The following BTNL9 variants were observed in gnomAD, a reference collection of about 807,000 sequenced individuals.
The protein encoded by BTNL9 is butyrophilin like 9.
A neutral mutation model predicts 45.8 loss-of-function variants in BTNL9; 45 were observed. The observed-to-expected ratio is 0.98, with a 90% CI of 0.77 to 1.26. The LOEUF (loss-of-function observed/expected upper bound fraction) is 1.26. Among genes scored for constraint, BTNL9 ranks in the 50% most tolerant of loss-of-function variants. The probability of loss-of-function intolerance (pLI) is 0.00; values close to 1 mark genes in which losing one functional copy is unlikely to be tolerated. For missense variants in BTNL9, 784 were observed against 729.7 expected, an observed-to-expected ratio of 1.07 and a Z score of -0.86; for synonymous variants, 346 against 330.8, an observed-to-expected ratio of 1.05 and a Z score of -0.50.
At chr5:181,048,846 T>A (rs1761368629) in intron 3 of BTNL9, among the ~76,000 whole-genome samples, 1 of 136,326 alleles carries the variant, frequency 7.3e-6, no homozygotes, top group African/African-American at 2.8e-5. Context: ...TTATATTAGT[T>A]ATATAATATT....
Position 181,050,277 on chromosome 5 carries a change from T to C in BTNL9, c.644T>C (p.Val215Ala), listed in dbSNP as rs1320184175. The C allele has an allele frequency of 1.2e-6, 2 of 1,614,008 alleles. No individual in the cohort carries two copies. Among genetic ancestry groups the C allele is most frequent in the African/African-American group, 1.3e-5 (1 of 74,928 alleles). ...GACCTGTTCAGTCTGGAAACATCTG[T>C]GGTTGTCCGAGCGGGAGCCCTCAGC... is the stretch of plus-strand genomic sequence containing the variant. Reference protein sequence around the residue: ...AQDLFSLETSVVVRAGALSNV... With the variant: ...AQDLFSLETSAVVRAGALSNV... The change falls in exon 4 of 11, where the codon GTG becomes GCG. Residue 215 changes from valine to alanine, a missense_variant. By Grantham distance (64) the Val-to-Ala change is moderately conservative. Coordinates refer to ENST00000327705, the MANE Select transcript of BTNL9 (RefSeq NM_152547.5). This position sits in a 1 kb window ranked among gnomAD's most constrained non-coding sequence, Gnocchi z 4.9.
chr5:181,059,466 G>C lies in BTNL9; in HGVS notation c.1212G>C (p.Ala404=). Residue 404 remains alanine (A), a synonymous_variant, in exon 11 of 11, where the codon GCG becomes GCC. Coordinates refer to ENST00000327705, the MANE Select transcript of BTNL9 (RefSeq NM_152547.5). ...SRWFLGACLA[A]VPRAGPARLS... ...GGTTCCTGGGCGCCTGCCTGGCCGC[G>C]GTGCCGCGCGCGGGGCCTGCGCGCC... The C allele has an allele frequency of 6.9e-7, 1 of 1,444,182 alleles. No homozygotes were observed. Among genetic ancestry groups the C allele is most frequent in the Non-Finnish European group, 9.0e-7 (1 of 1,105,962 alleles). 89.5% of individuals were successfully genotyped at this position (1,444,182 alleles called of 1,614,324 possible).
rs573376302 is a variant in BTNL9 at position 181,055,756 on chromosome 5, G to T, written c.929-233G>T. ...TGCACTCCAGCCTGGGCGACAGAGC[G>T]AGACTCTGTCTCAAAAAAAAAAAGA... On this transcript the variant is annotated intron_variant, in intron 8 of 10. Transcript: ENST00000327705. The surrounding 1 kb of genome is among the most constrained non-coding windows in gnomAD (Gnocchi z 4.4). 15 of 708,912 alleles carry T rather than the reference G, an allele frequency of 2.1e-5. No individual in the cohort carries two copies. The highest frequency in any genetic ancestry group is 3.6e-5 in the Non-Finnish European group (14 of 391,750). The allele number at this position is 708,912 out of a possible 1,614,324, so 43.9% of individuals were successfully genotyped here.
At chr5:181,058,501 A>G in intron 10 of BTNL9, 123 bp downstream of exon 10, 2 of 1,271,118 alleles carry the variant, frequency 1.6e-6, no homozygotes, top group Non-Finnish European at 2.3e-6. Context: ...GCCTGCACAC[A>G]CAAGACACAC....
intron 3 of BTNL9, among the ~76,000 whole-genome samples, chr5:181,048,730 T>C (rs1355166148): frequency 1.2e-5 from 1 of 85,958 alleles, no homozygotes; most frequent in Non-Finnish European, 2.3e-5. Flanking sequence ...TATATATCTA[T>C]ATATATATCT....
rs543030918 is a variant in BTNL9, at chr5:181,059,926, T to G, written c.*64T>G. On this transcript the variant is annotated 3_prime_UTR_variant, in exon 11 of 11. Transcript: ENST00000327705. Reference sequence around the variant, plus strand: ...CCTGGATCCCAGGCCAGCGCTTTGCTCTCCTGCTCCGTCTGAAGGGAGCAG... The same window carrying G: ...CCTGGATCCCAGGCCAGCGCTTTGCGCTCCTGCTCCGTCTGAAGGGAGCAG... 11 of 1,383,208 alleles carry G rather than the reference T, an allele frequency of 8.0e-6. No homozygotes were observed. The South Asian group carries it at 1.5e-4, about 18-fold the overall frequency. 85.7% of individuals were successfully genotyped at this position (1,383,208 alleles called of 1,614,324 possible). A position where few individuals can be genotyped will look rare whatever the true frequency, so the allele number is the denominator to read the frequency against.
chr5:181,055,886 G>A lies in BTNL9; in HGVS notation c.929-103G>A, dbSNP rs775286799. On this transcript the variant is annotated intron_variant, in intron 8 of 10. Transcript: ENST00000327705. The surrounding 1 kb of genome is among the most constrained non-coding windows in gnomAD (Gnocchi z 4.4). The stretch of plus-strand genomic sequence containing the variant: ...GGCAGGACCCCTGCTGGCTATGTGG[G>A]TGGTGGGGGGTGCGGGACAGGGTGG... The A allele has an allele frequency of 1.3e-5, 18 of 1,353,982 alleles. No homozygotes were observed. In the African/African-American group the frequency reaches 2.4e-4, roughly 18 times the overall value. 83.9% of individuals were successfully genotyped at this position (1,353,982 alleles called of 1,614,324 possible).
intron 1 of BTNL9, among the ~76,000 whole-genome samples, chr5:181,040,690 C>T (rs765488944): frequency 7.9e-5 from 12 of 152,330 alleles, no homozygotes; most frequent in African/African-American, 1.2e-4. Flanking sequence ...AGCCTCATTG[C>T]GGTTCCCTTC....
rs1175607033 is a variant in BTNL9, at chr5:181,045,511, C to A, written c.22C>A (p.Pro8Thr). Residue 8 changes from proline (P) to threonine (T), a missense_variant, in exon 2 of 11, where the codon CCA becomes ACA. Physicochemically the swap from Pro to Thr is conservative, Grantham distance 38. Transcript: ENST00000327705. MVDLSVS[P>T]DSLKPVSLTS... The stretch of plus-strand genomic sequence containing the variant: ...AGAGATGGTGGACCTCTCAGTCTCC[C>A]CAGACTCCTTGAAGCCAGTATCGCT... 1.9e-6 allele frequency: 3 copies of A among 1,611,054 alleles called. No individual in the cohort carries two copies. In the Admixed American group the frequency reaches 5.0e-5, roughly 27 times the overall value.
chr5:181,055,366 G>A lies in BTNL9; in HGVS notation c.908-67G>A. On this transcript the variant is annotated intron_variant, in intron 7 of 10. Coordinates refer to ENST00000327705, the MANE Select transcript of BTNL9 (RefSeq NM_152547.5). The surrounding 1 kb of genome is among the most constrained non-coding windows in gnomAD (Gnocchi z 4.4). ...AAGACTAAGGAAGCTCTTCCCAGTG[G>A]CCTGTCTTGGGAAGATGGTTCCACC... The A allele has an allele frequency of 3.1e-6, 5 of 1,613,734 alleles. No homozygotes were observed. The South Asian group carries it at 5.5e-5, about 18-fold the overall frequency.
At position 181,055,326 on chromosome 5, in the gene BTNL9, G is replaced by A; in HGVS notation, c.908-107G>A. On this transcript the variant is annotated intron_variant, in intron 7 of 10. Coordinates refer to ENST00000327705, the MANE Select transcript of BTNL9 (RefSeq NM_152547.5). This position sits in a 1 kb window ranked among gnomAD's most constrained non-coding sequence, Gnocchi z 4.4. ...TGTAAAAAAAAAAAAATGAAGCTGT[G>A]ATTAGCAGTGGCTTAAGACTAAGGA... The A allele has an allele frequency of 6.3e-7, 1 of 1,585,474 alleles. No homozygotes were observed.
chr5:181,048,084 G>T lies in BTNL9; in HGVS notation c.267G>T (p.Gln89His). Residue 89 changes from glutamine to histidine, a missense_variant, in exon 3 of 11, where the codon CAG becomes CAT. Coordinates refer to ENST00000327705, the MANE Select transcript of BTNL9 (RefSeq NM_152547.5). ...TFNVVHLYQE[Q>H]QELPGRQMPA... Reference sequence around the variant, plus strand: ...ATGTGGTACACCTGTACCAGGAGCAGCAGGAGCTCCCTGGCAGGCAGATGC... The same window carrying T: ...ATGTGGTACACCTGTACCAGGAGCATCAGGAGCTCCCTGGCAGGCAGATGC... The T allele has an allele frequency of 6.2e-7, 1 of 1,613,704 alleles. No individual in the cohort carries two copies. The highest frequency in any genetic ancestry group is 8.5e-7 in the Non-Finnish European group (1 of 1,180,016).
At chr5:181,047,842 A>G in intron 2 of BTNL9, 85 bp from the exon 3 acceptor site, 1 of 1,159,386 alleles carries the variant, frequency 8.6e-7, no homozygotes, top group African/African-American at 1.5e-5. Flanking sequence ...GGTTTACTGT[A>G]GATTCCTCAG....
chr5:181,047,162 G>A (rs971651457), intron 2 of BTNL9, among the ~76,000 whole-genome samples: 1 of 152,150 alleles, frequency 6.6e-6, no homozygotes, highest in African/African-American at 2.4e-5. Context: ...CCTGTGGGGT[G>A]GCAGGGAACC....
chr5:181,054,676 GTC>G (rs1761781240), intron 7 of BTNL9: 1 of 985,236 alleles, frequency 1.0e-6, no homozygotes, highest in Non-Finnish European at 1.2e-6. Flanking sequence ...CATGGGATGT[GTC>G]TCTGTAGAGA....
At position 181,055,752 on chromosome 5, in the gene BTNL9, G is replaced by C; in HGVS notation, c.929-237G>C. On this transcript the variant is annotated intron_variant, in intron 8 of 10. Coordinates refer to ENST00000327705, the MANE Select transcript of BTNL9 (RefSeq NM_152547.5). The surrounding 1 kb of genome is among the most constrained non-coding windows in gnomAD (Gnocchi z 4.4). ...CCACTGCACTCCAGCCTGGGCGACA[G>C]AGCGAGACTCTGTCTCAAAAAAAAA... 3 of 707,132 alleles carry C rather than the reference G, an allele frequency of 4.2e-6. No individual in the cohort carries two copies. The South Asian group carries it at 4.5e-5, about 11-fold the overall frequency. 43.8% of individuals were successfully genotyped at this position (707,132 alleles called of 1,614,324 possible). A position where few individuals can be genotyped will look rare whatever the true frequency, so the allele number is the denominator to read the frequency against.
At chr5:181,045,037 G>T (rs899877702) in intron 1 of BTNL9, among the ~76,000 whole-genome samples, 3 of 152,222 alleles carry the variant, frequency 2.0e-5, no homozygotes, top group Admixed American at 6.5e-5. Context: ...TGGGACGAAG[G>T]TTGGGTTGGT....
At position 181,045,481 on chromosome 5, in the gene BTNL9, T is replaced by TA. The variant is rs1761051385; in HGVS notation, c.-9_-8insA. On this transcript the variant is annotated 5_prime_UTR_variant, in exon 2 of 11. Transcript: ENST00000327705. The stretch of plus-strand genomic sequence containing the variant: ...TCCCTCTCCAGGTGGCCCCCACTGC[T>TA]GACGAGAGATGGTGGACCTCTCAGT... 3 of 1,588,326 alleles carry TA rather than the reference T, an allele frequency of 1.9e-6. No homozygotes were observed. In the African/African-American group the frequency reaches 4.0e-5, roughly 21 times the overall value.
rs745374626 is a variant in BTNL9, at chr5:181,060,178, CTT to C, written c.*318_*319del. 10 of 396,018 alleles carry C rather than the reference CTT, an allele frequency of 2.5e-5. No individual in the cohort carries two copies. Among genetic ancestry groups the C allele is most frequent in the African/African-American group, 6.1e-5 (3 of 48,878 alleles). 24.5% of individuals were successfully genotyped at this position (396,018 alleles called of 1,614,324 possible). ...AGCATGGAAGAAAGAAGGGAGAAAA[CTT>C]TGGTGACTGCCTTAGAGGGATCAGT... On this transcript the variant is annotated 3_prime_UTR_variant, in exon 11 of 11. Coordinates refer to ENST00000327705, the MANE Select transcript of BTNL9 (RefSeq NM_152547.5).
Sources: allele counts gnomAD v4.1 joint callset (sites outside exome capture counted in the v4.1 genomes callset), GRCh38; gene constraint gnomAD v4.1.1; non-coding constraint Gnocchi (gnomAD v3.1); transcripts MANE v1.5; gene names NCBI Gene and HGNC (gene_info 2026-07-23, HGNC 2026-07-21).